The following SYT16 variants were observed in gnomAD, a reference collection of about 807,000 sequenced individuals.
SYT16 encodes synaptotagmin 16, also known as synaptotagmin-16.
SYT16 carries 42 observed loss-of-function variants against 61.4 expected under a neutral mutation model. The observed-to-expected ratio is 0.68, with a 90% CI of 0.53 to 0.89. The LOEUF (loss-of-function observed/expected upper bound fraction) is 0.89, where lower values mean the gene tolerates loss of function less well. Ranked by LOEUF, SYT16 falls within the 40% of genes least tolerant of loss-of-function variation. The pLI, the probability that SYT16 is intolerant of heterozygous loss-of-function variation, is 0.00. For synonymous variants in SYT16, 314 were observed against 302.3 expected, an observed-to-expected ratio of 1.04 and a Z score of -0.40; for missense variants, 804 against 807.3, an observed-to-expected ratio of 1.00 and a Z score of 0.05.
In SYT16 at chr14:61,996,549, T is replaced by C; in HGVS notation, c.523+7T>C. 1 of 1,575,380 alleles carries C rather than the reference T, an allele frequency of 6.3e-7. No homozygotes were observed. On this transcript the variant is annotated splice_region_variant and intron_variant, in intron 3 of 7. Transcript: ENST00000683842. ...GTTAATGGAAAAAAGCAAGGTAAGCTAGCCAGTCATCATTTTCTCTGCGTT... is the reference window on the plus strand; with the variant it reads ...GTTAATGGAAAAAAGCAAGGTAAGCCAGCCAGTCATCATTTTCTCTGCGTT...
At chr14:62,053,405 A>G (rs553072869) in intron 3 of SYT16, among the ~76,000 whole-genome samples, 1 of 152,254 alleles carries the variant, frequency 6.6e-6, no homozygotes, top group African/African-American at 2.4e-5. Context: ...CAGACCTTCA[A>G]AGTCAGACTG....
At chr14:61,988,892 A>G (rs1332183079) in intron 2 of SYT16, among the ~76,000 whole-genome samples, 3 of 151,030 alleles carry the variant, frequency 2.0e-5, no homozygotes, top group Admixed American at 6.6e-5. Context: ...TTTTTTTTTT[A>G]AAGATTTGGA....
rs370886740 is a variant in SYT16, at chr14:61,963,750, A to G, written c.-324-6382A>G. Among the ~76,000 whole-genome samples, 3 of 152,304 alleles carry G rather than the reference A, an allele frequency of 2.0e-5. No individual in the cohort carries two copies. In the East Asian group the frequency reaches 5.8e-4, roughly 29 times the overall value. ...GGCCACCTAGGATTTTCATGGCTAG[A>G]GAGGAGACGTCAATGCCTGGCTTCA... On this transcript the variant is annotated intron_variant, in intron 1 of 7. Transcript: ENST00000683842.
chr14:61,862,578 C>A (rs1195451420), intron 1 of SYT16, among the ~76,000 whole-genome samples: 1 of 152,186 alleles, frequency 6.6e-6, no homozygotes, highest in East Asian at 1.9e-4. Flanking sequence ...CTATCAGCAT[C>A]TCCCACTAGA....
chr14:61,858,120 CAAAAAA>C (rs34781118), intron 1 of SYT16, among the ~76,000 whole-genome samples: 1,101 of 43,126 alleles, frequency 0.026, 3 homozygotes, highest in African/African-American at 0.056. Context: ...CACAGCTTGG[CAAAAAA>C]AAAAAAAAAA....
At chr14:61,832,229 G>A (rs958989496) in intron 1 of SYT16, 16 of 630,594 alleles carry the variant, frequency 2.5e-5, no homozygotes, top group Non-Finnish European at 4.3e-5. Context: ...GGGCCACATC[G>A]GGTACGGGAT....
At chr14:61,815,773 T>C (rs915185506) in intron 1 of SYT16, among the ~76,000 whole-genome samples, 12 of 152,238 alleles carry the variant, frequency 7.9e-5, no homozygotes, top group African/African-American at 2.7e-4. Flanking sequence ...TACTGAACTA[T>C]TTCATGATTT....
chr14:61,833,564 C>T (rs1050983856), intron 1 of SYT16, among the ~76,000 whole-genome samples: 13 of 151,858 alleles, frequency 8.6e-5, no homozygotes, highest in Middle Eastern at 3.2e-3. Flanking sequence ...GGATTACAGG[C>T]GTGAGCCACC....
chr14:61,935,368 G>T (rs1222421409), intron 1 of SYT16, among the ~76,000 whole-genome samples: 19 of 152,028 alleles, frequency 1.2e-4, no homozygotes, highest in South Asian at 1.2e-3. Context: ...CTTTCTATCT[G>T]GTGGTCTTTG....
chr14:62,039,126 C>G (rs1343660428), intron 3 of SYT16, among the ~76,000 whole-genome samples: 2 of 152,030 alleles, frequency 1.3e-5, no homozygotes, highest in East Asian at 1.9e-4. Context: ...TCCTCCTCTT[C>G]TTCAGTGAAG....
intron 1 of SYT16, among the ~76,000 whole-genome samples, chr14:61,963,067 G>T (rs1366679186): frequency 1.3e-5 from 2 of 152,062 alleles, no homozygotes; most frequent in Non-Finnish European, 2.9e-5. Context: ...TATTGTGTAA[G>T]TTCTGACTGC....
chr14:61,820,469 G>GTTTTTTTTTTTT lies in SYT16; in HGVS notation c.-325+7678_-325+7689dup, dbSNP rs71117856. ...ATATGCTTCAGGGCACCTCTTCAGAGTTTTTTTTTTTTTTTTTTTTTTTTT... is the reference window on the plus strand; with the variant it reads ...ATATGCTTCAGGGCACCTCTTCAGAGTTTTTTTTTTTTTTTTTTTTTTTTTTTTTTTTTTTTT... On this transcript the variant is annotated intron_variant, in intron 1 of 7. Coordinates refer to ENST00000683842, the MANE Select transcript of SYT16 (RefSeq NM_001367656.1). Among the ~76,000 whole-genome samples the GTTTTTTTTTTTT allele has an allele frequency of 6.5e-5, 4 of 61,090 alleles. 1 individual carries two copies. Among genetic ancestry groups the GTTTTTTTTTTTT allele is most frequent in the African/African-American group, 2.1e-4 (3 of 14,434 alleles). The allele number at this position is 61,090 out of a possible 152,430, so 40.1% of individuals were successfully genotyped here.
intron 1 of SYT16, among the ~76,000 whole-genome samples, chr14:61,888,820 T>C (rs1438853484): frequency 2.1e-5 from 3 of 145,296 alleles, no homozygotes; most frequent in Non-Finnish European, 4.5e-5. Context: ...AATGAAAGCA[T>C]AATAAAACAA....
intron 1 of SYT16, among the ~76,000 whole-genome samples, chr14:61,936,840 C>T (rs1295149234): frequency 6.6e-6 from 1 of 152,220 alleles, no homozygotes; most frequent in African/African-American, 2.4e-5. Context: ...CTGACATGTT[C>T]CCTTCCTTGA....
intron 1 of SYT16, among the ~76,000 whole-genome samples, chr14:61,858,252 C>T (rs1024614838): frequency 2.0e-5 from 3 of 152,012 alleles, no homozygotes; most frequent in East Asian, 1.9e-4. Context: ...CAGGGCCTTC[C>T]GCATACAGGG....
Position 61,866,316 on chromosome 14 carries a change from T to C in SYT16, c.-325+53506T>C, listed in dbSNP as rs541804279. On this transcript the variant is annotated intron_variant, in intron 1 of 7. Transcript: ENST00000683842. ...AATTGCCAAAAAAGGAAGAGGAGGG[T>C]GGGGGAGAAAGGAAAAAATAATTGC... is the stretch of plus-strand genomic sequence containing the variant. Among the ~76,000 whole-genome samples the C allele has an allele frequency of 3.3e-5, 5 of 151,970 alleles. No homozygotes were observed. In the South Asian group the frequency reaches 1.0e-3, roughly 32 times the overall value.
At position 61,917,574 on chromosome 14, in the gene SYT16, G is replaced by A. The variant is rs141423282; in HGVS notation, c.-324-52558G>A. Among the ~76,000 whole-genome samples, 302 of 152,268 alleles carry A rather than the reference G, an allele frequency of 2.0e-3. 4 individuals carry two copies. The highest frequency in any genetic ancestry group is 6.6e-3 in the African/African-American group (275 of 41,550). ...AGTGCAATTGAAAGCAGAGTCAGGA[G>A]GTCAAGGAGGGCAGCTTCTTGATAT... On this transcript the variant is annotated intron_variant, in intron 1 of 7. Transcript: ENST00000683842.
In SYT16 at chr14:62,048,112, T is replaced by G. The variant is rs1281102907; in HGVS notation, c.524-21491T>G. On this transcript the variant is annotated intron_variant, in intron 3 of 7. Transcript: ENST00000683842. ...CTGTGAAGCCATCTGGTCCTGGATT[T>G]TTTTTGGTTGGTAAGCTATTAATTA... Among the ~76,000 whole-genome samples the G allele has an allele frequency of 3.9e-5, 6 of 152,220 alleles. No individual in the cohort carries two copies. The South Asian group carries it at 1.0e-3, about 26-fold the overall frequency.
At position 62,100,602 on chromosome 14, in the gene SYT16, C is replaced by T. The variant is rs776869325; in HGVS notation, c.1833C>T (p.Ala611=). 1.9e-6 allele frequency: 3 copies of T among 1,613,762 alleles called. No individual in the cohort carries two copies. Among genetic ancestry groups the T allele is most frequent in the South Asian group, 2.2e-5 (2 of 91,072 alleles). The change falls in exon 8 of 8, where the codon GCC becomes GCT. Residue 611 remains alanine, a synonymous_variant. Transcript: ENST00000683842. ...MKRKEMIGWI[A]LGQNSSGEEE... ...GTAAAGAGATGATTGGCTGGATTGCCCTGGGCCAGAACAGCAGTGGAGAGG... is the reference window on the plus strand; with the variant it reads ...GTAAAGAGATGATTGGCTGGATTGCTCTGGGCCAGAACAGCAGTGGAGAGG...
Sources: allele counts gnomAD v4.1 joint callset (sites outside exome capture counted in the v4.1 genomes callset), GRCh38; gene constraint gnomAD v4.1.1; transcripts MANE v1.5; gene names NCBI Gene and HGNC (gene_info 2026-07-23, HGNC 2026-07-21).